Variants in FMO3 observed in about 807,000 individuals in gnomAD.
FMO3 encodes flavin-containing monooxygenase 3.
A neutral mutation model predicts 39.4 loss-of-function variants in FMO3; 40 were observed. The observed-to-expected ratio is 1.02, with a 90% CI of 0.79 to 1.32. The LOEUF (loss-of-function observed/expected upper bound fraction) is 1.32, where lower values mean the gene tolerates loss of function less well. Among genes scored for constraint, FMO3 ranks in the 40% most tolerant of loss-of-function variants. FMO3 has a pLI of 0.00. For missense variants in FMO3, 680 were observed against 651.8 expected, an observed-to-expected ratio of 1.04 and a Z score of -0.47; for synonymous variants, 219 against 228.8, an observed-to-expected ratio of 0.96 and a Z score of 0.39.
At chr1:171,106,054 AT>A (rs28745592) in intron 3 of FMO3, among the ~76,000 whole-genome samples, 2,551 of 152,280 alleles carry the variant, frequency 0.017, 63 homozygotes, top group African/African-American at 0.057. Flanking sequence ...TTATTAATAA[AT>A]TTTAATTACA....
At chr1:171,102,087 C>T (rs1192118753) in intron 2 of FMO3, among the ~76,000 whole-genome samples, 1 of 152,190 alleles carries the variant, frequency 6.6e-6, no homozygotes, top group African/African-American at 2.4e-5. Context: ...CAGCAGAAAA[C>T]TCATGTCCTA....
At chr1:171,103,152 C>T (rs774947072) in intron 2 of FMO3, among the ~76,000 whole-genome samples, 3 of 152,130 alleles carry the variant, frequency 2.0e-5, no homozygotes, top group Non-Finnish European at 2.9e-5. Context: ...TGAAAAATCT[C>T]TGTCACCATA....
intron 3 of FMO3, among the ~76,000 whole-genome samples, chr1:171,107,171 T>G (rs1655680161): frequency 6.6e-6 from 1 of 152,182 alleles, no homozygotes; most frequent in African/African-American, 2.4e-5. Context: ...TCAAAGCTAC[T>G]CAGTGTATAG....
In FMO3 at chr1:171,114,080, C is replaced by T. The variant is rs193203655; in HGVS notation, c.901C>T (p.Pro301Ser). ...TCTGTGTGGCATTGTGTCCGTAAAG[C>T]CTAACGTGAAGGAATTCACAGAGAC... ...SILCGIVSVKPNVKEFTETSA... is the reference protein window; with the variant it reads ...SILCGIVSVKSNVKEFTETSA... The change falls in exon 7 of 9, where the codon CCT becomes TCT. Residue 301 changes from proline to serine, a missense_variant. By Grantham distance (74) the Pro-to-Ser change is moderately conservative. Coordinates refer to ENST00000367755, the MANE Select transcript of FMO3 (RefSeq NM_001002294.3). The T allele has an allele frequency of 6.8e-6, 11 of 1,613,544 alleles. No individual in the cohort carries two copies. Among genetic ancestry groups the T allele is most frequent in the African/African-American group, 4.0e-5 (3 of 74,974 alleles).
chr1:171,094,287 C>A (rs774562300), intron 2 of FMO3, among the ~76,000 whole-genome samples: 1 of 151,946 alleles, frequency 6.6e-6, no homozygotes, highest in Non-Finnish European at 1.5e-5. Context: ...TATTTATCTC[C>A]TTTTTCCCCT....
Position 171,101,684 on chromosome 1 carries a change from A to G in FMO3, c.133-2101A>G, listed in dbSNP as rs375202697. ...TAGTTCTGACTTCTAACCCTGATCT[A>G]GAGCCACGATGATGTATTTCCCTCA... On this transcript the variant is annotated intron_variant, in intron 2 of 8. Transcript: ENST00000367755. 6 of 492,086 alleles carry G rather than the reference A, an allele frequency of 1.2e-5. No individual in the cohort carries two copies. The Middle Eastern group carries it at 9.6e-4, about 79-fold the overall frequency. 30.5% of individuals were successfully genotyped at this position (492,086 alleles called of 1,614,324 possible). A position where few individuals can be genotyped will look rare whatever the true frequency, so the allele number is the denominator to read the frequency against.
At chr1:171,095,918 AT>A (rs67478351) in intron 2 of FMO3, among the ~76,000 whole-genome samples, 4 of 400 alleles carry the variant, frequency 0.01, no homozygotes, top group Admixed American at 0.059. Context: ...ATAAATATAT[AT>A]TTATATAATT....
At chr1:171,093,624 T>C (rs1654815017) in intron 2 of FMO3, among the ~76,000 whole-genome samples, 1 of 152,058 alleles carries the variant, frequency 6.6e-6, no homozygotes, top group African/African-American at 2.4e-5. Context: ...TCTTTGCTAT[T>C]GTGAATGGTG....
intron 2 of FMO3, chr1:171,101,258 C>G: frequency 2.2e-6 from 1 of 454,872 alleles, no homozygotes. Context: ...CGACTGCTGA[C>G]TTCTAGAACT....
At chr1:171,091,894 T>C (rs533285498) in intron 1 of FMO3, among the ~76,000 whole-genome samples, 4 of 104,486 alleles carry the variant, frequency 3.8e-5, no homozygotes, top group Non-Finnish European at 5.5e-5. Flanking sequence ...ACAGATTGCG[T>C]GTGTGTGTGT....
chr1:171,107,971 T>G, intron 4 of FMO3, 108 bp from the exon 5 acceptor site: 1 of 1,402,666 alleles, frequency 7.1e-7, no homozygotes. Flanking sequence ...CTTGGTGTGT[T>G]AAAATAGCAC....
intron 2 of FMO3, among the ~76,000 whole-genome samples, chr1:171,096,063 A>ATTT (rs373228386): frequency 5.4e-5 from 3 of 55,110 alleles, no homozygotes; most frequent in African/African-American, 1.1e-4. Context: ...TATAATATAT[A>ATTT]TTATATATTA....
At chr1:171,114,402 GC>G in intron 7 of FMO3, 40 bp downstream of exon 7, 2 of 1,376,318 alleles carry the variant, frequency 1.5e-6, no homozygotes, top group African/African-American at 1.4e-5. Flanking sequence ...GAAGATGAAT[GC>G]CAGTGACAAT....
chr1:171,103,974 G>C lies in FMO3; in HGVS notation c.321+1G>C. On this transcript the variant is annotated splice_donor_variant, in intron 3 of 8. Transcript: ENST00000367755. LOFTEE classifies it high-confidence loss of function. ...CCTCCTGAAGTACATACAATTTAAG[G>C]TAAGATGTTATCAACAATTTAGCTC... The C allele has an allele frequency of 6.2e-7, 1 of 1,604,346 alleles. No individual in the cohort carries two copies. The highest frequency in any genetic ancestry group is 1.3e-5 in the African/African-American group (1 of 74,834).
intron 2 of FMO3, chr1:171,101,024 C>T (rs565482767): frequency 1.4e-5 from 6 of 439,274 alleles, no homozygotes; most frequent in African/African-American, 8.1e-5. Context: ...ATGTGATGAC[C>T]TCAACAGAAA....
chr1:171,111,027 C>T, intron 6 of FMO3, 30 bp downstream of exon 6: 1 of 1,584,764 alleles, frequency 6.3e-7, no homozygotes. Flanking sequence ...GATATGCCTG[C>T]TGGCTTTTAG....
intron 6 of FMO3, among the ~76,000 whole-genome samples, chr1:171,111,841 C>A (rs1655927692): frequency 6.6e-6 from 1 of 152,188 alleles, no homozygotes; most frequent in Non-Finnish European, 1.5e-5. Flanking sequence ...AATCCCTGTC[C>A]TCATGGAACC....
chr1:171,097,958 A>G (rs1571206296), intron 2 of FMO3, among the ~76,000 whole-genome samples: 1 of 152,120 alleles, frequency 6.6e-6, no homozygotes, highest in East Asian at 1.9e-4. Flanking sequence ...CATTTGAATT[A>G]ATTTTTGTAT....
At position 171,117,566 on chromosome 1, in the gene FMO3, G is replaced by A; in HGVS notation, c.*124G>A. 1 of 696,698 alleles carries A rather than the reference G, an allele frequency of 1.4e-6. No homozygotes were observed. The highest frequency in any genetic ancestry group is 2.7e-5 in the East Asian group (1 of 37,300). The allele number at this position is 696,698 out of a possible 1,614,324, so 43.2% of individuals were successfully genotyped here. ...TCAGCATCTTTTGCAGTACTCTGTA[G>A]ACATTAGTCAGTAATACAGTGTTAT... On this transcript the variant is annotated 3_prime_UTR_variant, in exon 9 of 9. Transcript: ENST00000367755.
Sources: allele counts gnomAD v4.1 joint callset (sites outside exome capture counted in the v4.1 genomes callset), GRCh38; gene constraint gnomAD v4.1.1; transcripts MANE v1.5; gene names NCBI Gene and HGNC (gene_info 2026-07-23, HGNC 2026-07-21).